Variants in CAV1 observed in about 807,000 individuals in gnomAD.
CAV1 encodes the protein caveolin-1.
In CAV1, 10 loss-of-function variants were observed where a neutral mutation model predicts 16.5. The ratio of observed to expected loss-of-function variants is 0.61; its 90% CI spans 0.37 to 1.03. CAV1 has a LOEUF of 1.03. Among genes scored for constraint, CAV1 ranks in the 50% least tolerant of loss-of-function variants. CAV1 has a pLI of 0.01. For missense variants in CAV1, 212 were observed against 232.8 expected, an observed-to-expected ratio of 0.91 and a Z score of 0.58; for synonymous variants, 76 against 85.1, an observed-to-expected ratio of 0.89 and a Z score of 0.59.
At chr7:116,527,623 T>C (rs1445508409) in intron 2 of CAV1, among the ~76,000 whole-genome samples, 1 of 152,210 alleles carries the variant, frequency 6.6e-6, no homozygotes, top group Admixed American at 6.5e-5. Flanking sequence ...TGGGATATCA[T>C]GGGCTAGAGC....
intron 2 of CAV1, among the ~76,000 whole-genome samples, chr7:116,540,625 G>T (rs1793915811): frequency 6.6e-6 from 1 of 152,048 alleles, no homozygotes; most frequent in Non-Finnish European, 1.5e-5. Flanking sequence ...AAGTTAAGAG[G>T]ACTCTCAACT....
Position 116,559,161 on chromosome 7 carries a change from C to G in CAV1, c.411C>G (p.Phe137Leu). 6.2e-7 allele frequency: 1 copy of G among 1,613,972 alleles called. No individual in the cohort carries two copies. Among genetic ancestry groups the G allele is most frequent in the Non-Finnish European group, 8.5e-7 (1 of 1,179,900 alleles). Residue 137 changes from phenylalanine (F) to leucine (L), a missense_variant, in exon 3 of 3, where the codon TTC becomes TTG. Transcript: ENST00000341049. The part of the protein sequence containing the change: ...IWAVVPCIKS[F>L]LIEIQCISRV... ...CAGTTGTACCATGCATTAAGAGCTT[C>G]CTGATTGAGATTCAGTGCATCAGCC...
At chr7:116,525,014 C>G (rs548665630), upstream of CAV1, 8 of 1,609,032 alleles carry the variant, frequency 5.0e-6, no homozygotes, top group Non-Finnish European at 6.8e-6. Flanking sequence ...TCCCTTAAAG[C>G]ACAGCCCAGG....
chr7:116,536,975 A>G (rs1793830219), intron 2 of CAV1, among the ~76,000 whole-genome samples: 1 of 132,790 alleles, frequency 7.5e-6, no homozygotes, highest in South Asian at 2.5e-4. Flanking sequence ...TGCAGTCCGC[A>G]GTCCGGCCTG....
At chr7:116,546,509 G>A (rs1794049194) in intron 2 of CAV1, among the ~76,000 whole-genome samples, 1 of 151,280 alleles carries the variant, frequency 6.6e-6, no homozygotes, top group African/African-American at 2.4e-5. Context: ...CGCCAACATG[G>A]TGAAATCCTG....
chr7:116,539,034 A>G (rs1325685323), intron 2 of CAV1, among the ~76,000 whole-genome samples: 1 of 152,026 alleles, frequency 6.6e-6, no homozygotes, highest in African/African-American at 2.4e-5. Flanking sequence ...ACACAGCCAA[A>G]CCATATCAGG....
intron 2 of CAV1, among the ~76,000 whole-genome samples, chr7:116,534,391 A>T (rs1446189359): frequency 0.056 from 446 of 7,944 alleles, 15 homozygotes; most frequent in East Asian, 0.22. Flanking sequence ...ATATATATAT[A>T]TATATTTTTT....
intron 2 of CAV1, among the ~76,000 whole-genome samples, chr7:116,536,760 T>C (rs1431397596): frequency 6.6e-6 from 1 of 151,882 alleles, no homozygotes; most frequent in Non-Finnish European, 1.5e-5. Context: ...TCCCAGCACT[T>C]TGGGAGGCCG....
In CAV1 at chr7:116,536,207, C is replaced by T. The variant is rs1430809900; in HGVS notation, c.195+9518C>T. 7.2e-5 allele frequency among the ~76,000 whole-genome samples: 11 copies of T among 152,188 alleles called. No homozygotes were observed. In the East Asian group the frequency reaches 1.2e-3, roughly 16 times the overall value. On this transcript the variant is annotated intron_variant, in intron 2 of 2. Transcript: ENST00000341049. Reference sequence around the variant, plus strand: ...CAAAGGAAAAAAGTAACATGAGCACCGTTCTCCCTGTCCTGCCACTTGCTC... The same window carrying T: ...CAAAGGAAAAAAGTAACATGAGCACTGTTCTCCCTGTCCTGCCACTTGCTC...
chr7:116,525,134 G>C, intron 1 of CAV1, 42 bp downstream of exon 1: 2 of 1,614,182 alleles, frequency 1.2e-6, no homozygotes, highest in Non-Finnish European at 1.7e-6. Context: ...CGTGCGGGGA[G>C]TGTCCGCTTC....
chr7:116,528,670 T>C (rs1039659274), intron 2 of CAV1, among the ~76,000 whole-genome samples: 9 of 152,236 alleles, frequency 5.9e-5, no homozygotes, highest in Admixed American at 3.9e-4. Flanking sequence ...CTACATCTTA[T>C]GGAGACTCCT....
chr7:116,529,458 G>T (rs771844219), intron 2 of CAV1, among the ~76,000 whole-genome samples: 2 of 152,202 alleles, frequency 1.3e-5, no homozygotes, highest in Non-Finnish European at 2.9e-5. Flanking sequence ...AACAGGTAAA[G>T]CTAGTGGCAC....
chr7:116,556,896 C>T (rs1794305099), intron 2 of CAV1, among the ~76,000 whole-genome samples: 1 of 152,150 alleles, frequency 6.6e-6, no homozygotes, highest in African/African-American at 2.4e-5. Context: ...AATCCTCTTA[C>T]AAAACAAAGA....
chr7:116,525,730 C>G (rs1031060935), intron 1 of CAV1: 1 of 1,059,564 alleles, frequency 9.4e-7, no homozygotes, highest in Non-Finnish European at 1.2e-6. Flanking sequence ...ACCTCGTCTT[C>G]CAACACGTAG....
chr7:116,533,765 G>A (rs1282592117), intron 2 of CAV1, among the ~76,000 whole-genome samples: 2 of 152,078 alleles, frequency 1.3e-5, no homozygotes, highest in Non-Finnish European at 2.9e-5. Context: ...TATATCTTTA[G>A]TCCAAACAAC....
At position 116,561,087 on chromosome 7, in the gene CAV1, T is replaced by A. The variant is rs1458787070; in HGVS notation, c.*1800T>A. On this transcript the variant is annotated 3_prime_UTR_variant, in exon 3 of 3. Transcript: ENST00000341049. ...TTACTGGTCCAAAAGATTGCTGAAA[T>A]TTTATATGCTTACTGATATATTTTA... is the stretch of plus-strand genomic sequence containing the variant. The A allele has an allele frequency of 1.3e-5, 2 of 152,634 alleles. No individual in the cohort carries two copies. The highest frequency in any genetic ancestry group is 4.8e-5 in the African/African-American group (2 of 41,446). The allele number at this position is 152,634 out of a possible 1,614,324, so 9.5% of individuals were successfully genotyped here. A position where few individuals can be genotyped will look rare whatever the true frequency, so the allele number is the denominator to read the frequency against.
intron 2 of CAV1, among the ~76,000 whole-genome samples, chr7:116,536,901 G>A (rs940754120): frequency 1.3e-5 from 2 of 151,268 alleles, no homozygotes; most frequent in South Asian, 4.2e-4. Flanking sequence ...TACTCGGGAG[G>A]CTGAGGCAGG....
In CAV1 at chr7:116,534,143, G is replaced by A. The variant is rs994183300; in HGVS notation, c.195+7454G>A. ...TGAGGCACGAGAATCGCTTTAACCC[G>A]GGAGGCAGAAGTTACAGTGTGCCAA... On this transcript the variant is annotated intron_variant, in intron 2 of 2. Coordinates refer to ENST00000341049, the MANE Select transcript of CAV1 (RefSeq NM_001753.5). Among the ~76,000 whole-genome samples, 7 of 151,528 alleles carry A rather than the reference G, an allele frequency of 4.6e-5. No homozygotes were observed. The East Asian group carries it at 5.9e-4, about 13-fold the overall frequency.
chr7:116,526,904 T>G (rs1793576817), intron 2 of CAV1: 1 of 599,456 alleles, frequency 1.7e-6, no homozygotes, highest in Non-Finnish European at 3.0e-6. Context: ...CCCCCAATAG[T>G]TAGTTCAGCT....
Sources: allele counts gnomAD v4.1 joint callset (sites outside exome capture counted in the v4.1 genomes callset), GRCh38; gene constraint gnomAD v4.1.1; transcripts MANE v1.5; gene names NCBI Gene and HGNC (gene_info 2026-07-23, HGNC 2026-07-21).